Variants in METTL2B observed in about 807,000 individuals in gnomAD.
The protein encoded by METTL2B is methyltransferase 2B, tRNA N3-cytidine, also known as tRNA N(3)-cytidine methyltransferase METTL2B.
In METTL2B, 28 loss-of-function variants were observed where a neutral mutation model predicts 51.0. The ratio of observed to expected loss-of-function variants is 0.55; its 90% CI spans 0.41 to 0.75. The LOEUF (loss-of-function observed/expected upper bound fraction) is 0.75, where lower values mean the gene tolerates loss of function less well. Ranked by LOEUF, METTL2B falls within the 30% of genes least tolerant of loss-of-function variation. METTL2B has a pLI of 0.00. For missense variants in METTL2B, 313 were observed against 460.7 expected, an observed-to-expected ratio of 0.68 and a Z score of 2.93; for synonymous variants, 128 against 166.3, an observed-to-expected ratio of 0.77 and a Z score of 1.77.
At chr7:128,489,128 A>G (rs530660939) in intron 5 of METTL2B, among the ~76,000 whole-genome samples, 4 of 152,126 alleles carry the variant, frequency 2.6e-5, no homozygotes, top group African/African-American at 9.6e-5. Context: ...AAATAAAAAT[A>G]AAGATAAAAA....
At position 128,503,408 on chromosome 7, in the gene METTL2B, A is replaced by G. The variant is rs1276398040; in HGVS notation, c.*1492A>G. The G allele has an allele frequency of 6.6e-6, 1 of 150,430 alleles. No individual in the cohort carries two copies. Among genetic ancestry groups the G allele is most frequent in the Non-Finnish European group, 1.5e-5 (1 of 67,776 alleles). The allele number at this position is 150,430 out of a possible 1,614,324, so 9.3% of individuals were successfully genotyped here. A position where few individuals can be genotyped will look rare whatever the true frequency, so the allele number is the denominator to read the frequency against. On this transcript the variant is annotated 3_prime_UTR_variant, in exon 9 of 9. Coordinates refer to ENST00000262432, the MANE Select transcript of METTL2B (RefSeq NM_018396.3). Reference sequence around the variant, plus strand: ...AACCACATCATCACTTCACTTCTGAATGTGATCACTGTCAGTGTTAGATGC... The same window carrying G: ...AACCACATCATCACTTCACTTCTGAGTGTGATCACTGTCAGTGTTAGATGC...
intron 5 of METTL2B, among the ~76,000 whole-genome samples, chr7:128,492,641 G>A (rs893923241): frequency 1.7e-4 from 25 of 151,460 alleles, no homozygotes; most frequent in Non-Finnish European, 3.1e-4. Context: ...TTTTGAGACG[G>A]AGTCTCCCTC....
At position 128,502,718 on chromosome 7, in the gene METTL2B, G is replaced by A; in HGVS notation, c.*802G>A. Reference sequence around the variant, plus strand: ...GTTCGAGACCAGCGTGGCCAACATGGTGAAACCCCGTCTCTACTAAAGATA... The same window carrying A: ...GTTCGAGACCAGCGTGGCCAACATGATGAAACCCCGTCTCTACTAAAGATA... On this transcript the variant is annotated 3_prime_UTR_variant, in exon 9 of 9. Coordinates refer to ENST00000262432, the MANE Select transcript of METTL2B (RefSeq NM_018396.3). 1 of 393,448 alleles carries A rather than the reference G, an allele frequency of 2.5e-6. No individual in the cohort carries two copies. The highest frequency in any genetic ancestry group is 1.8e-5 in the South Asian group (1 of 54,738). 24.4% of individuals were successfully genotyped at this position (393,448 alleles called of 1,614,324 possible). A position where few individuals can be genotyped will look rare whatever the true frequency, so the allele number is the denominator to read the frequency against.
chr7:128,488,833 G>A (rs185064698), intron 5 of METTL2B, among the ~76,000 whole-genome samples: 4 of 152,252 alleles, frequency 2.6e-5, no homozygotes, highest in African/African-American at 4.8e-5. Context: ...ATGCCGGTGC[G>A]GTGACTCATG....
chr7:128,501,491 T>C, intron 8 of METTL2B: 1 of 985,394 alleles, frequency 1.0e-6, no homozygotes, highest in Non-Finnish European at 1.2e-6. Context: ...ACGTAGATAG[T>C]TTTGCATAAA....
chr7:128,484,481 A>G (rs1164033112), intron 4 of METTL2B, among the ~76,000 whole-genome samples: 5 of 151,794 alleles, frequency 3.3e-5, no homozygotes, highest in African/African-American at 1.2e-4. Flanking sequence ...AAGCCTTAGG[A>G]TCATTTCTCA....
chr7:128,478,909 G>A (rs1799838608), intron 2 of METTL2B, among the ~76,000 whole-genome samples: 1 of 152,142 alleles, frequency 6.6e-6, no homozygotes, highest in African/African-American at 2.4e-5. Flanking sequence ...ACACTTGATA[G>A]ATAGTAAGTT....
intron 5 of METTL2B, among the ~76,000 whole-genome samples, chr7:128,491,069 C>T (rs191597604): frequency 5.8e-4 from 86 of 148,964 alleles, no homozygotes; most frequent in Middle Eastern, 3.5e-3. Context: ...GCTGAAGAAT[C>T]GCTTGAACCC....
intron 8 of METTL2B, chr7:128,501,336 G>A: frequency 2.0e-6 from 2 of 985,416 alleles, no homozygotes; most frequent in Non-Finnish European, 2.4e-6. Context: ...AGGGGTGCCG[G>A]GAACTGCTCT....
At chr7:128,490,437 G>A (rs1361384518) in intron 5 of METTL2B, among the ~76,000 whole-genome samples, 2 of 151,284 alleles carry the variant, frequency 1.3e-5, no homozygotes, top group Non-Finnish European at 2.9e-5. Flanking sequence ...CGAACCTGAT[G>A]AGATGATTCC....
chr7:128,477,910 A>C (rs1337715545), intron 2 of METTL2B: 1 of 440,910 alleles, frequency 2.3e-6, no homozygotes, highest in African/African-American at 2.0e-5. Context: ...GTTAAAAGGG[A>C]TTTTGAAAAT....
At position 128,505,494 on chromosome 7, in the gene METTL2B, T is replaced by G. The variant is rs886674028; in HGVS notation, c.*3578T>G. The G allele has an allele frequency of 7.2e-5, 11 of 152,188 alleles. No individual in the cohort carries two copies. Among genetic ancestry groups the G allele is most frequent in the African/African-American group, 2.7e-4 (11 of 41,438 alleles). The allele number at this position is 152,188 out of a possible 1,614,324, so 9.4% of individuals were successfully genotyped here. ...CAGAGGTGATGCTGTGTTCCTCCCATAGGATCGTATCAGGCGACACATGAT... is the reference window on the plus strand; with the variant it reads ...CAGAGGTGATGCTGTGTTCCTCCCAGAGGATCGTATCAGGCGACACATGAT... On this transcript the variant is annotated 3_prime_UTR_variant, in exon 9 of 9. Coordinates refer to ENST00000262432, the MANE Select transcript of METTL2B (RefSeq NM_018396.3).
intron 5 of METTL2B, among the ~76,000 whole-genome samples, chr7:128,491,070 G>T (rs1259984225): frequency 6.8e-6 from 1 of 146,066 alleles, no homozygotes; most frequent in Non-Finnish European, 1.5e-5. Flanking sequence ...CTGAAGAATC[G>T]CTTGAACCCA....
intron 7 of METTL2B, among the ~76,000 whole-genome samples, chr7:128,499,231 G>A (rs1377228795): frequency 2.0e-5 from 3 of 152,310 alleles, no homozygotes; most frequent in East Asian, 1.9e-4. Context: ...ACAGAAGAAC[G>A]TATCTAAATG....
At chr7:128,487,754 A>G (rs1792743308) in intron 4 of METTL2B, among the ~76,000 whole-genome samples, 1 of 152,168 alleles carries the variant, frequency 6.6e-6, no homozygotes, top group African/African-American at 2.4e-5. Flanking sequence ...GTGTGGAGAA[A>G]GTGCCAAGGT....
chr7:128,485,388 G>T (rs1792682017), intron 4 of METTL2B, among the ~76,000 whole-genome samples: 1 of 152,134 alleles, frequency 6.6e-6, no homozygotes, highest in South Asian at 2.1e-4. Flanking sequence ...TAGCCGCCTG[G>T]TGCTGCGGCT....
At chr7:128,480,033 G>A (rs1350482778) in intron 3 of METTL2B, among the ~76,000 whole-genome samples, 1 of 152,198 alleles carries the variant, frequency 6.6e-6, no homozygotes, top group African/African-American at 2.4e-5. Flanking sequence ...AATGGGGACT[G>A]CGCACGTTAC....
chr7:128,501,654 A>G, intron 8 of METTL2B, 108 bp from the exon 9 acceptor site: 1 of 1,521,312 alleles, frequency 6.6e-7, no homozygotes, highest in Non-Finnish European at 8.8e-7. Flanking sequence ...TGGCCATGTA[A>G]AAAACACGAC....
chr7:128,479,568 A>G (rs1267212802), intron 3 of METTL2B, 55 bp downstream of exon 3: 14 of 1,557,730 alleles, frequency 9.0e-6, no homozygotes, highest in Admixed American at 1.8e-5. Context: ...ATTTGTGCAC[A>G]TGAGGTAGCA....
Sources: gnomAD v4.1 joint callset for allele counts (sites outside exome capture counted in the v4.1 genomes callset) on GRCh38, gnomAD v4.1.1 for gene constraint, MANE v1.5 for transcripts, NCBI Gene and HGNC (gene_info 2026-07-23, HGNC 2026-07-21) for gene names.